Variants in C5orf34 observed in about 807,000 individuals in gnomAD.
C5orf34 encodes the protein chromosome 5 open reading frame 34, also known as uncharacterized protein C5orf34.
A neutral mutation model predicts 78.4 loss-of-function variants in C5orf34; 73 were observed. That is an observed-to-expected ratio of 0.93 (90% confidence interval 0.77 to 1.13). C5orf34 has a LOEUF of 1.13. C5orf34 is among the 50% of genes most tolerant of loss of function. The pLI is 0.00. For missense variants in C5orf34, 730 were observed against 732.7 expected (o/e 1.00, Z 0.04); for synonymous variants, 251 against 246.6 (o/e 1.02, Z -0.17).
chr5:43,495,252 C>T, intron 6 of C5orf34: 10 of 1,606,896 alleles, frequency 6.2e-6, no homozygotes, highest in Non-Finnish European at 8.5e-6. Context: ...GGAACCATAT[C>T]AACAATGGCA....
rs371834684 is a variant in C5orf34 at position 43,499,523 on chromosome 5, G to C, written c.1152+2849C>G. On this transcript the variant is annotated intron_variant, in intron 6 of 12. Coordinates refer to ENST00000306862, the MANE Select transcript of C5orf34 (RefSeq NM_198566.4). ...ATACATTAAGTTTTTGTTAAAAAAA[G>C]TTCAAAAAGTATGAAAATTGAGTCC... Among the ~76,000 whole-genome samples the C allele has an allele frequency of 4.7e-4, 72 of 152,064 alleles. 1 individual carries two copies. Among genetic ancestry groups the C allele is most frequent in the African/African-American group, 1.7e-3 (70 of 41,430 alleles).
rs751673244 is a variant in C5orf34 at position 43,506,150 on chromosome 5, G to GT, written c.529dup (p.Thr177AsnfsTer18). The GT allele has an allele frequency of 1.2e-6, 2 of 1,614,018 alleles. No individual in the cohort carries two copies. The highest frequency in any genetic ancestry group is 2.7e-5 in the African/African-American group (2 of 74,912). The stretch of plus-strand genomic sequence containing the variant: ...ATTTCCACGTATACAGATTTTGCCA[G>GT]TTTTTTCAACTAGTTTATCTTTTGG... On this transcript the variant is annotated frameshift_variant, in exon 4 of 13. Transcript: ENST00000306862. LOFTEE classifies it high-confidence loss of function.
chr5:43,492,922 T>C (rs775293435), intron 8 of C5orf34, 32 bp from the exon 9 acceptor site: 2 of 1,448,990 alleles, frequency 1.4e-6, no homozygotes, highest in Non-Finnish European at 9.5e-7. Context: ...TAGCAGGAAA[T>C]AGAGTTATCT....
intron 6 of C5orf34, among the ~76,000 whole-genome samples, chr5:43,497,955 T>C (rs908608456): frequency 1.3e-5 from 2 of 152,146 alleles, no homozygotes; most frequent in Non-Finnish European, 2.9e-5. Flanking sequence ...CTCCAGCACC[T>C]CCCTTTGCCT....
At chr5:43,489,904 C>CT (rs898570928) in intron 11 of C5orf34, among the ~76,000 whole-genome samples, 5 of 152,028 alleles carry the variant, frequency 3.3e-5, no homozygotes, top group African/African-American at 1.2e-4. Flanking sequence ...TTCTAATGAC[C>CT]TTTCTTCCTA....
Position 43,493,571 on chromosome 5 carries a change from T to A in C5orf34, c.1286A>T (p.His429Leu). Residue 429 changes from histidine (H) to leucine (L), a missense_variant, in exon 8 of 13, where the codon CAT becomes CTT. Physicochemically the swap from His to Leu is moderately conservative, Grantham distance 99. Transcript: ENST00000306862. ...HCVKMRLSLSHNYRICCWKMV... is the reference protein window; with the variant it reads ...HCVKMRLSLSLNYRICCWKMV... The stretch of plus-strand genomic sequence containing the variant: ...TTTCCAGCAGCATATACGATAGTTA[T>A]GGCTTAAAGAAAGTCTCATCTTCAC... 1 of 1,580,444 alleles carries A rather than the reference T, an allele frequency of 6.3e-7. No individual in the cohort carries two copies. The highest frequency in any genetic ancestry group is 8.6e-7 in the Non-Finnish European group (1 of 1,160,030).
rs555257912 is a variant in C5orf34 at position 43,505,649 on chromosome 5, A to C, written c.932+99T>G. 3.6e-5 allele frequency: 47 copies of C among 1,318,092 alleles called. No individual in the cohort carries two copies. In the African/African-American group the frequency reaches 5.5e-4, roughly 15 times the overall value. 81.6% of individuals were successfully genotyped at this position (1,318,092 alleles called of 1,614,324 possible). On this transcript the variant is annotated intron_variant, in intron 4 of 12. Transcript: ENST00000306862. ...TTAAAAGCAAAATTTTGGATGAGAT[A>C]AACTTTCCTTGTGAATGGTATCAGA...
Position 43,505,829 on chromosome 5 carries a change from T to C in C5orf34, c.851A>G (p.Asp284Gly), listed in dbSNP as rs1475530621. 6.2e-7 allele frequency: 1 copy of C among 1,613,240 alleles called. No homozygotes were observed. Among genetic ancestry groups the C allele is most frequent in the South Asian group, 1.1e-5 (1 of 90,916 alleles). ...CACTTTTCCTCTTTCCTCTGAAATA[T>C]CAGAAGTTAAAAATCTACTCTGAGT... ...HITQSRFLTS[D>G]ISEERGKVVS... is the part of the protein sequence containing the mutation. Residue 284 changes from aspartate (D) to glycine (G), a missense_variant, in exon 4 of 13, where the codon GAT becomes GGT. Transcript: ENST00000306862.
chr5:43,487,887 G>C, intron 12 of C5orf34, 22 bp downstream of exon 12: 1 of 1,567,320 alleles, frequency 6.4e-7, no homozygotes, highest in Non-Finnish European at 8.8e-7. Flanking sequence ...ATGTAGGACA[G>C]TGCATTCTGT....
chr5:43,495,908 T>C (rs560343890), intron 6 of C5orf34: 2 of 1,592,290 alleles, frequency 1.3e-6, no homozygotes, highest in Admixed American at 1.7e-5. Flanking sequence ...TGTGTCAGGG[T>C]TGTAACCAAT....
rs749967646 is a variant in C5orf34, at chr5:43,503,643, G to A, written c.1028+22C>T. 4.0e-6 allele frequency: 6 copies of A among 1,487,514 alleles called. No homozygotes were observed. The South Asian group carries it at 6.8e-5, about 17-fold the overall frequency. The allele number at this position is 1,487,514 out of a possible 1,614,324, so 92.1% of individuals were successfully genotyped here. On this transcript the variant is annotated intron_variant, in intron 5 of 12. Coordinates refer to ENST00000306862, the MANE Select transcript of C5orf34 (RefSeq NM_198566.4). ...AATAAACAGCTCTAACTCCAACATA[G>A]AAGCCAACATAGGTGCCTTACCTAT...
At chr5:43,495,269 C>T in intron 6 of C5orf34, 3 of 1,607,044 alleles carry the variant, frequency 1.9e-6, no homozygotes, top group Middle Eastern at 2.3e-4. Context: ...GGCAGCATCA[C>T]CAGACTTCAA....
intron 4 of C5orf34, among the ~76,000 whole-genome samples, chr5:43,504,127 A>G (rs990665713): frequency 2.0e-5 from 3 of 152,168 alleles, no homozygotes; most frequent in Admixed American, 2.0e-4. Flanking sequence ...CCTGACCAAC[A>G]TGGTGAAAAC....
At chr5:43,504,348 C>A (rs920102126) in intron 4 of C5orf34, among the ~76,000 whole-genome samples, 1 of 151,546 alleles carries the variant, frequency 6.6e-6, no homozygotes, top group East Asian at 1.9e-4. Flanking sequence ...AAGCACTGTG[C>A]TATACACACT....
Position 43,486,862 on chromosome 5 carries a change from C to T in C5orf34, c.*53G>A, listed in dbSNP as rs568229815. 67 of 1,128,814 alleles carry T rather than the reference C, an allele frequency of 5.9e-5. No homozygotes were observed. The highest frequency in any genetic ancestry group is 2.7e-4 in the Middle Eastern group (1 of 3,654). 69.9% of individuals were successfully genotyped at this position (1,128,814 alleles called of 1,614,324 possible). Reference sequence around the variant, plus strand: ...GGCTTACTAGTAATTTTATACCAGTCACTTGAAACAACATCCTTAAACTTT... The same window carrying T: ...GGCTTACTAGTAATTTTATACCAGTTACTTGAAACAACATCCTTAAACTTT... On this transcript the variant is annotated 3_prime_UTR_variant, in exon 13 of 13. Coordinates refer to ENST00000306862, the MANE Select transcript of C5orf34 (RefSeq NM_198566.4).
In C5orf34 at chr5:43,493,613, C is replaced by A; in HGVS notation, c.1245-1G>T. 2 of 1,552,078 alleles carry A rather than the reference C, an allele frequency of 1.3e-6. No individual in the cohort carries two copies. The highest frequency in any genetic ancestry group is 2.3e-5 in the East Asian group (1 of 43,108). On this transcript the variant is annotated splice_acceptor_variant, in intron 7 of 12. Transcript: ENST00000306862. LOFTEE classifies it high-confidence loss of function. The stretch of plus-strand genomic sequence containing the variant: ...CATCTTCACACAATGTTGAAGAATT[C>A]TGTGAACACAAAAAATACTACTTAA...
At chr5:43,495,178 A>G (rs1163303146) in intron 6 of C5orf34, 3 of 1,610,856 alleles carry the variant, frequency 1.9e-6, no homozygotes, top group Non-Finnish European at 2.5e-6. Flanking sequence ...TCTGTCTCAT[A>G]TCACGAACAG....
At chr5:43,505,074 C>T (rs924906584) in intron 4 of C5orf34, among the ~76,000 whole-genome samples, 17 of 152,226 alleles carry the variant, frequency 1.1e-4, no homozygotes, top group African/African-American at 3.6e-4. Context: ...GAGAATCAAA[C>T]GGGTGAAGTC....
At chr5:43,493,701 A>T (rs933283379) in intron 7 of C5orf34, 89 bp from the exon 8 acceptor site, 6 of 692,168 alleles carry the variant, frequency 8.7e-6, no homozygotes, top group Non-Finnish European at 1.3e-5. Context: ...AACATTTTAG[A>T]TGATCAGTAA....
Sources: gnomAD v4.1 joint callset for allele counts (sites outside exome capture counted in the v4.1 genomes callset) on GRCh38, gnomAD v4.1.1 for gene constraint, MANE v1.5 for transcripts, NCBI Gene and HGNC (gene_info 2026-07-23, HGNC 2026-07-21) for gene names.